PTPRD: variants seen among roughly 807,000 people sequenced by gnomAD.
PTPRD encodes receptor-type tyrosine-protein phosphatase delta.
PTPRD carries 34 observed loss-of-function variants against 214.5 expected under a neutral mutation model. The observed-to-expected ratio is 0.16, with a 90% CI of 0.12 to 0.21. PTPRD has a LOEUF of 0.21. Ranked by LOEUF, PTPRD falls within the 10% of genes least tolerant of loss-of-function variation. The pLI is 1.00. For missense variants in PTPRD, 2,545 were observed against 2,398.7 expected (o/e 1.06, Z -1.27); for synonymous variants, 1,128 against 845.7 (o/e 1.33, Z -5.79).
At chr9:8,507,194 A>T (rs969505637) in intron 22 of PTPRD, 107 bp downstream of exon 22, 1 of 1,263,710 alleles carries the variant, frequency 7.9e-7, no homozygotes. Flanking sequence ...CTTTTCCATC[A>T]AGGTCCTCAA....
chr9:9,138,933 A>C (rs2154479581), intron 10 of PTPRD, among the ~76,000 whole-genome samples: 1 of 152,290 alleles, frequency 6.6e-6, no homozygotes, highest in Non-Finnish European at 1.5e-5. Context: ...CTAGACACTA[A>C]GTAATAGCAT....
intron 2 of PTPRD, among the ~76,000 whole-genome samples, chr9:10,436,533 T>C (rs2098719000): frequency 1.3e-5 from 2 of 151,784 alleles, no homozygotes; most frequent in African/African-American, 4.8e-5. Flanking sequence ...GTTATATGTA[T>C]ACAGTACACA....
intron 8 of PTPRD, among the ~76,000 whole-genome samples, chr9:9,563,392 A>C (rs112083351): frequency 1.2e-4 from 19 of 152,268 alleles, no homozygotes; most frequent in African/African-American, 4.3e-4. Context: ...TATTGTCATG[A>C]TCATCAAAGT....
intron 3 of PTPRD, among the ~76,000 whole-genome samples, chr9:10,141,525 T>G (rs291282): frequency 0.016 from 2,474 of 152,174 alleles, 63 homozygotes; most frequent in African/African-American, 0.056. Context: ...AATAAAATAC[T>G]TAGGAATTCA....
intron 10 of PTPRD, among the ~76,000 whole-genome samples, chr9:9,090,244 C>T (rs1394464247): frequency 1.3e-5 from 2 of 152,028 alleles, no homozygotes; most frequent in South Asian, 4.2e-4. Flanking sequence ...TGGTAGCAAT[C>T]ATTCTATTCT....
At chr9:9,159,295 T>C (rs114751392) in intron 10 of PTPRD, among the ~76,000 whole-genome samples, 2,895 of 152,044 alleles carry the variant, frequency 0.019, 102 homozygotes, top group African/African-American at 0.063. Flanking sequence ...AATAGAGAAA[T>C]AGCAAATAGA....
At chr9:9,323,360 C>A (rs148405055) in intron 9 of PTPRD, among the ~76,000 whole-genome samples, 17 of 152,058 alleles carry the variant, frequency 1.1e-4, no homozygotes, top group African/African-American at 4.1e-4. Context: ...TATTCTTGAA[C>A]CAACCATGAG....
At chr9:9,178,978 G>T (rs144888256) in intron 10 of PTPRD, among the ~76,000 whole-genome samples, 1 of 152,016 alleles carries the variant, frequency 6.6e-6, no homozygotes, top group African/African-American at 2.4e-5. Context: ...TTCCTGCTAC[G>T]TGTAATGCTA....
chr9:9,766,417 A>C (rs2098707444), intron 6 of PTPRD, among the ~76,000 whole-genome samples: 1 of 152,160 alleles, frequency 6.6e-6, no homozygotes, highest in South Asian at 2.1e-4. Context: ...TTGTTCCCCC[A>C]AAACCTAGAT....
At chr9:8,474,536 T>A (rs982140016) in intron 30 of PTPRD, among the ~76,000 whole-genome samples, 2 of 152,192 alleles carry the variant, frequency 1.3e-5, no homozygotes, top group African/African-American at 4.8e-5. Context: ...CAGGGCAGAA[T>A]AATGCCATAA....
At chr9:10,198,375 G>T (rs1200142398) in intron 3 of PTPRD, among the ~76,000 whole-genome samples, 1 of 152,158 alleles carries the variant, frequency 6.6e-6, no homozygotes, top group African/African-American at 2.4e-5. Context: ...GATAGTGCCT[G>T]AAAGGAAGAT....
chr9:10,574,997 A>G (rs1242727253), intron 2 of PTPRD, among the ~76,000 whole-genome samples: 2 of 151,842 alleles, frequency 1.3e-5, no homozygotes, highest in Non-Finnish European at 2.9e-5. Flanking sequence ...AAATCAACAA[A>G]GAAAAAAATC....
chr9:9,962,570 C>T (rs576753208), intron 4 of PTPRD, among the ~76,000 whole-genome samples: 2 of 152,162 alleles, frequency 1.3e-5, no homozygotes, highest in South Asian at 2.1e-4. Context: ...CTGTAAACTC[C>T]GTTGCCCTTT....
At chr9:9,022,233 T>C (rs1326668502) in intron 10 of PTPRD, among the ~76,000 whole-genome samples, 1 of 152,052 alleles carries the variant, frequency 6.6e-6, no homozygotes, top group Non-Finnish European at 1.5e-5. Flanking sequence ...TTAAAATGCA[T>C]TTACCGTAGC....
At chr9:8,986,500 T>C (rs1025803559) in intron 11 of PTPRD, among the ~76,000 whole-genome samples, 3 of 151,608 alleles carry the variant, frequency 2.0e-5, no homozygotes, top group Non-Finnish European at 4.4e-5. Flanking sequence ...ATAAATAGTT[T>C]AGTATCTTTA....
chr9:8,469,946 A>G (rs1220147309), intron 31 of PTPRD, among the ~76,000 whole-genome samples: 2 of 152,120 alleles, frequency 1.3e-5, no homozygotes, highest in African/African-American at 4.8e-5. Flanking sequence ...CATAGATATG[A>G]AATAAGCATC....
chr9:10,493,474 A>T (rs1589394531), intron 2 of PTPRD, among the ~76,000 whole-genome samples: 1 of 152,098 alleles, frequency 6.6e-6, no homozygotes, highest in Non-Finnish European at 1.5e-5. Flanking sequence ...CCTTTGACAA[A>T]CCTGACAGAA....
chr9:9,525,128 A>G (rs945482224), intron 8 of PTPRD, among the ~76,000 whole-genome samples: 12 of 152,212 alleles, frequency 7.9e-5, no homozygotes, highest in Non-Finnish European at 1.5e-4. Context: ...AAGTGCTGGG[A>G]TTACAGGCGT....
intron 5 of PTPRD, among the ~76,000 whole-genome samples, chr9:9,797,516 T>A (rs962722702): frequency 2.0e-5 from 3 of 151,982 alleles, no homozygotes; most frequent in Non-Finnish European, 4.4e-5. Flanking sequence ...GAGTGAATAA[T>A]CCAAAACTGA....
Sources: allele counts gnomAD v4.1 joint callset (sites outside exome capture counted in the v4.1 genomes callset), GRCh38; gene constraint gnomAD v4.1.1; transcripts MANE v1.5; gene names NCBI Gene and HGNC (gene_info 2026-07-23, HGNC 2026-07-21).